GINS1: variants seen among roughly 807,000 people sequenced by gnomAD.
GINS1 encodes the protein DNA replication complex GINS protein PSF1.
A neutral mutation model predicts 34.9 loss-of-function variants in GINS1; 26 were observed. That is an observed-to-expected ratio of 0.74 (90% CI 0.55 to 1.03). GINS1 has a LOEUF of 1.03. Among genes scored for constraint, GINS1 ranks in the 50% least tolerant of loss-of-function variants. The pLI is 0.00. For synonymous variants in GINS1, 97 were observed against 84.4 expected (o/e 1.15, Z -0.82); for missense variants, 235 against 237.9 (o/e 0.99, Z 0.08).
At chr20:25,429,134 G>T (rs1371573816) in intron 5 of GINS1, among the ~76,000 whole-genome samples, 1 of 151,802 alleles carries the variant, frequency 6.6e-6, no homozygotes, top group South Asian at 2.1e-4. Context: ...GACTAAAGGC[G>T]CCTACCACCA....
intron 5 of GINS1, among the ~76,000 whole-genome samples, chr20:25,432,452 A>G (rs2090432534): frequency 1.3e-5 from 2 of 151,338 alleles, no homozygotes; most frequent in Middle Eastern, 3.4e-3. Flanking sequence ...ATAGGAGTGC[A>G]CCACCACGCC....
intron 5 of GINS1, among the ~76,000 whole-genome samples, chr20:25,425,599 C>T (rs2090386269): frequency 1.3e-5 from 2 of 151,674 alleles, no homozygotes; most frequent in South Asian, 4.2e-4. Context: ...AAAATCAGTC[C>T]CTAAATTTTG....
chr20:25,443,938 G>A (rs960042391), intron 6 of GINS1, among the ~76,000 whole-genome samples: 7 of 149,778 alleles, frequency 4.7e-5, no homozygotes, highest in Non-Finnish European at 8.9e-5. Flanking sequence ...AGAATCTGTG[G>A]TGTAGATCAT....
At chr20:25,417,424 A>G (rs1600922729) in intron 3 of GINS1, among the ~76,000 whole-genome samples, 3 of 152,234 alleles carry the variant, frequency 2.0e-5, no homozygotes, top group East Asian at 3.9e-4. Context: ...GAGCTATCAT[A>G]TGGTTTTAAC....
chr20:25,433,256 G>A (rs2090437095), intron 5 of GINS1, among the ~76,000 whole-genome samples: 1 of 151,872 alleles, frequency 6.6e-6, no homozygotes, highest in Non-Finnish European at 1.5e-5. Flanking sequence ...ATGGACTGGG[G>A]AATAATAACT....
Position 25,446,161 on chromosome 20 carries a change from CT to C in GINS1, c.*177del. 2.1e-6 allele frequency: 1 copy of C among 471,436 alleles called. No individual in the cohort carries two copies. Among genetic ancestry groups the C allele is most frequent in the Non-Finnish European group, 3.8e-6 (1 of 266,098 alleles). 29.2% of individuals were successfully genotyped at this position (471,436 alleles called of 1,614,324 possible). On this transcript the variant is annotated 3_prime_UTR_variant, in exon 7 of 7. Transcript: ENST00000262460. ...TAATTTGCTAACTATTAAGGACTTTCTTTTTTTAATGTTGTACACTATTCTT... is the reference window on the plus strand; with the variant it reads ...TAATTTGCTAACTATTAAGGACTTTCTTTTTTAATGTTGTACACTATTCTT...
chr20:25,432,808 T>C (rs1000708635), intron 5 of GINS1, among the ~76,000 whole-genome samples: 1 of 149,912 alleles, frequency 6.7e-6, no homozygotes, highest in Non-Finnish European at 1.5e-5. Context: ...TTATATCTTC[T>C]TGTATGTATT....
chr20:25,418,041 A>G, intron 3 of GINS1, 64 bp from the exon 4 acceptor site: 2 of 882,116 alleles, frequency 2.3e-6, no homozygotes, highest in South Asian at 2.6e-5. Context: ...TCAGGGGCCA[A>G]ATGAAGTCCA....
chr20:25,441,726 G>A lies in GINS1; in HGVS notation c.472G>A (p.Glu158Lys). Residue 158 changes from glutamate to lysine, a missense_variant, in exon 6 of 7, where the codon GAA becomes AAA. Glu to Lys is a moderately conservative substitution (Grantham distance 56). Coordinates refer to ENST00000262460, the MANE Select transcript of GINS1 (RefSeq NM_021067.5). Reference protein sequence around the residue: ...IEVRCLKDYGEFEVDDGTSVL... With the variant: ...IEVRCLKDYGKFEVDDGTSVL... ...GGTCCGGTGTCTAAAAGACTATGGA[G>A]AATTTGAAGTTGATGATGGCACTTC... 6.4e-7 allele frequency: 1 copy of A among 1,565,786 alleles called. No individual in the cohort carries two copies. Among genetic ancestry groups the A allele is most frequent in the South Asian group, 1.2e-5 (1 of 86,640 alleles).
chr20:25,429,359 T>C (rs1456806415), intron 5 of GINS1, among the ~76,000 whole-genome samples: 1 of 152,168 alleles, frequency 6.6e-6, no homozygotes, highest in African/African-American at 2.4e-5. Flanking sequence ...GTTTTTCTGT[T>C]TCTCCAAAAG....
intron 2 of GINS1, among the ~76,000 whole-genome samples, chr20:25,416,371 A>G (rs1387637795): frequency 6.6e-6 from 1 of 152,218 alleles, no homozygotes; most frequent in Non-Finnish European, 1.5e-5. Flanking sequence ...AGAAGTATAT[A>G]GAACAGCCCT....
chr20:25,425,289 A>G lies in GINS1; in HGVS notation c.409A>G (p.Thr137Ala). The change falls in exon 5 of 7, where the codon ACA becomes GCA. Residue 137 changes from threonine (T) to alanine (A), a missense_variant. By Grantham distance (58) the Thr-to-Ala change is moderately conservative. Transcript: ENST00000262460. Reference protein sequence around the residue: ...SLGGDEGLDITQDMKPPKSLY... With the variant: ...SLGGDEGLDIAQDMKPPKSLY... ...GGGAGGAGATGAAGGTTTGGACATT[A>G]CACAGGATATGAAACCACCAAAAAG... 6.4e-7 allele frequency: 1 copy of G among 1,553,348 alleles called. No homozygotes were observed. Among genetic ancestry groups the G allele is most frequent in the Non-Finnish European group, 8.9e-7 (1 of 1,125,520 alleles).
chr20:25,431,197 C>G (rs1004177641), intron 5 of GINS1, among the ~76,000 whole-genome samples: 9 of 152,112 alleles, frequency 5.9e-5, no homozygotes, highest in Non-Finnish European at 1.2e-4. Flanking sequence ...TGTTGGTGTA[C>G]AATTGTTCAT....
chr20:25,410,562 C>CT (rs148556749), intron 1 of GINS1, among the ~76,000 whole-genome samples: 13 of 151,282 alleles, frequency 8.6e-5, no homozygotes, highest in African/African-American at 2.2e-4. Flanking sequence ...AGGCTTTTCT[C>CT]TTTTTTTTAT....
At chr20:25,409,164 G>A in intron 1 of GINS1, 1 of 289,228 alleles carries the variant, frequency 3.5e-6, no homozygotes, top group Non-Finnish European at 5.2e-6. Flanking sequence ...GGGAGTCTAG[G>A]AAGGTGGCTC....
At chr20:25,420,322 C>T (rs1004937178) in intron 4 of GINS1, among the ~76,000 whole-genome samples, 1 of 151,544 alleles carries the variant, frequency 6.6e-6, no homozygotes, top group Non-Finnish European at 1.5e-5. Context: ...TTAGTAGAGA[C>T]GGGGTTTCAC....
chr20:25,441,879 T>C, intron 6 of GINS1, 103 bp downstream of exon 6: 1 of 642,830 alleles, frequency 1.6e-6, no homozygotes, highest in South Asian at 2.0e-5. Context: ...ATCGTTTATA[T>C]ATTAGGCATT....
intron 4 of GINS1, among the ~76,000 whole-genome samples, chr20:25,418,634 C>A (rs1036742549): frequency 1.3e-5 from 2 of 152,184 alleles, no homozygotes; most frequent in Non-Finnish European, 2.9e-5. Context: ...TTGAGCAAGT[C>A]ACTTGACCTG....
rs2090521339 is a variant in GINS1 at position 25,447,877 on chromosome 20, T to C, written c.*1886T>C. ...AGGGTGTGGTGGCTTATGCCTGTAA[T>C]CCTAGAACTTTGGGAGGCCTAGATG... On this transcript the variant is annotated 3_prime_UTR_variant, in exon 7 of 7. Coordinates refer to ENST00000262460, the MANE Select transcript of GINS1 (RefSeq NM_021067.5). The C allele has an allele frequency of 6.6e-6, 1 of 152,258 alleles. No individual in the cohort carries two copies. Among genetic ancestry groups the C allele is most frequent in the African/African-American group, 2.4e-5 (1 of 41,456 alleles). 9.4% of individuals were successfully genotyped at this position (152,258 alleles called of 1,614,324 possible).
Sources: gnomAD v4.1 joint callset for allele counts (sites outside exome capture counted in the v4.1 genomes callset) on GRCh38, gnomAD v4.1.1 for gene constraint, MANE v1.5 for transcripts, NCBI Gene and HGNC (gene_info 2026-07-23, HGNC 2026-07-21) for gene names.